ADAMTS13: variants seen among roughly 807,000 people sequenced by gnomAD.
ADAMTS13 encodes the protein A disintegrin and metalloproteinase with thrombospondin motifs 13.
Under a neutral mutation model 155.1 loss-of-function variants are expected in ADAMTS13, and 110 were observed. The ratio of observed to expected loss-of-function variants is 0.71; its 90% CI spans 0.61 to 0.83. The LOEUF (loss-of-function observed/expected upper bound fraction) is 0.83. Ranked by LOEUF, ADAMTS13 falls within the 40% of genes least tolerant of loss-of-function variation. The probability of loss-of-function intolerance (pLI) is 0.00; values close to 1 mark genes in which losing one functional copy is unlikely to be tolerated. For missense variants in ADAMTS13, 1,707 were observed against 1,891.7 expected, an observed-to-expected ratio of 0.90 and a Z score of 1.81; for synonymous variants, 758 against 756.4, an observed-to-expected ratio of 1.00 and a Z score of -0.03.
intron 18 of ADAMTS13, 103 bp from the exon 19 acceptor site, chr9:133,443,273 T>C: frequency 2.8e-6 from 4 of 1,425,634 alleles, no homozygotes; most frequent in South Asian, 1.2e-5. Context: ...GTAGTGCCCA[T>C]TGCTTGTCCC....
At position 133,428,673 on chromosome 9, in the gene ADAMTS13, C is replaced by T. The variant is rs1554785902; in HGVS notation, c.726C>T (p.Cys242=). Residue 242 remains cysteine, a synonymous_variant, in exon 7 of 29, where the codon TGC becomes TGT. Coordinates refer to ENST00000355699, the MANE Select transcript of ADAMTS13 (RefSeq NM_139027.6). ...ACGACGGCGCGCCCGGCAGCGGCTG[C>T]GGCCCCAGCGGACACGTGATGGCTT... ...LEHDGAPGSG[C]GPSGHVMASD... 4.4e-6 allele frequency: 6 copies of T among 1,357,816 alleles called. No homozygotes were observed. Among genetic ancestry groups the T allele is most frequent in the South Asian group, 3.4e-5 (2 of 59,208 alleles). The allele number at this position is 1,357,816 out of a possible 1,614,324, so 84.1% of individuals were successfully genotyped here.
At position 133,422,934 on chromosome 9, in the gene ADAMTS13, CTT is replaced by C. The variant is rs71281254; in HGVS notation, c.106-145_106-144del. On this transcript the variant is annotated intron_variant, in intron 1 of 28. Coordinates refer to ENST00000355699, the MANE Select transcript of ADAMTS13 (RefSeq NM_139027.6). ...TGTTCTTTTTTCTTTCTCTCTCTCT[CTT>C]TTTTTTTTTTTTTTTTTTTTTAAGA... Among the ~76,000 whole-genome samples the C allele has an allele frequency of 0.024, 2,235 of 93,126 alleles. 64 individuals are homozygous for C. Among genetic ancestry groups the C allele is most frequent in the South Asian group, 0.038 (87 of 2,264 alleles). The allele number at this position is 93,126 out of a possible 152,430, so 61.1% of individuals were successfully genotyped here.
In ADAMTS13 at chr9:133,455,310, T is replaced by A; in HGVS notation, c.3275T>A (p.Ile1092Asn). The A allele has an allele frequency of 6.2e-7, 1 of 1,604,482 alleles. No homozygotes were observed. Among genetic ancestry groups the A allele is most frequent in the Non-Finnish European group, 8.5e-7 (1 of 1,179,952 alleles). The change falls in exon 25 of 29, where the codon ATC (isoleucine) becomes AAC (asparagine). Residue 1092 changes from isoleucine to asparagine, a missense_variant. Ile to Asn is a moderately radical substitution (Grantham distance 149, BLOSUM62 -3). Around this residue, in one of 3 missense-constraint regions of ADAMTS13, gnomAD observed 961 missense variants for 1,107.9 expected, o/e 0.87. Transcript: ENST00000355699. ...TGCTCTGTTTCCTGTGGGGATGGCATCCAGCGCCGGCGTGACACCTGCCTC... is the reference window on the plus strand; with the variant it reads ...TGCTCTGTTTCCTGTGGGGATGGCAACCAGCGCCGGCGTGACACCTGCCTC... ...MECSVSCGDG[I>N]QRRRDTCLGP...
At chr9:133,436,778 A>AGGGGG in intron 11 of ADAMTS13, 51 bp from the exon 12 acceptor site, 1 of 433,948 alleles carries the variant, frequency 2.3e-6, no homozygotes, top group Non-Finnish European at 4.6e-6. Flanking sequence ...CAGTGACAAC[A>AGGGGG]CCCGCCCCCC....
At chr9:133,451,668 A>C (rs1256887462) in intron 23 of ADAMTS13, among the ~76,000 whole-genome samples, 1 of 152,128 alleles carries the variant, frequency 6.6e-6, no homozygotes, top group East Asian at 1.9e-4. Context: ...AGATGGGTGG[A>C]TCATTTGAGC....
chr9:133,420,107 T>G (rs1270202835), upstream of ADAMTS13, among the ~76,000 whole-genome samples: 1 of 152,232 alleles, frequency 6.6e-6, no homozygotes, highest in East Asian at 1.9e-4. Context: ...TTTCTCCATG[T>G]TGGCCAGGCT....
At position 133,426,062 on chromosome 9, in the gene ADAMTS13, G is replaced by A; in HGVS notation, c.539G>A (p.Arg180Lys). 3 of 1,613,982 alleles carry A rather than the reference G, an allele frequency of 1.9e-6. No individual in the cohort carries two copies. Among genetic ancestry groups the A allele is most frequent in the Non-Finnish European group, 2.5e-6 (3 of 1,180,030 alleles). ...GCTGACCTGGTCCTCTATATCACTAGGTAGCCGAGCTTTCTGATGGGTGCT... is the reference window on the plus strand; with the variant it reads ...GCTGACCTGGTCCTCTATATCACTAAGTAGCCGAGCTTTCTGATGGGTGCT... ...GHADLVLYITRFDLELPDGNR... is the reference protein window; with the variant it reads ...GHADLVLYITKFDLELPDGNR... Residue 180 changes from arginine (R) to lysine (K), a missense_variant and splice_region_variant, in exon 5 of 29, where the codon AGG becomes AAG. Physicochemically the swap from Arg to Lys is conservative, Grantham distance 26. This residue lies in a region of ADAMTS13 where 733 missense variants were observed against 749.6 expected (regional missense o/e 0.98). Coordinates refer to ENST00000355699, the MANE Select transcript of ADAMTS13 (RefSeq NM_139027.6).
At chr9:133,455,112 C>G (rs1192983004) in intron 24 of ADAMTS13, among the ~76,000 whole-genome samples, 173 bp from the exon 25 acceptor site, 2 of 152,144 alleles carry the variant, frequency 1.3e-5, no homozygotes, top group Non-Finnish European at 2.9e-5. Flanking sequence ...CCTATATGAC[C>G]CATGCAAGGT....
In ADAMTS13 at chr9:133,423,083, T is replaced by A; in HGVS notation, c.106-18T>A. On this transcript the variant is annotated intron_variant, in intron 1 of 28. Coordinates refer to ENST00000355699, the MANE Select transcript of ADAMTS13 (RefSeq NM_139027.6). ...GAGCCACTATGCCCGGCCCCATCCATCTCTTTTTGTCTTGCAGAGTTGTCT... is the reference window on the plus strand; with the variant it reads ...GAGCCACTATGCCCGGCCCCATCCAACTCTTTTTGTCTTGCAGAGTTGTCT... 10 of 1,613,008 alleles carry A rather than the reference T, an allele frequency of 6.2e-6. No homozygotes were observed. Among genetic ancestry groups the A allele is most frequent in the Non-Finnish European group, 8.5e-6 (10 of 1,179,336 alleles).
chr9:133,430,004 C>G lies in ADAMTS13; in HGVS notation c.890C>G (p.Pro297Arg). The G allele has an allele frequency of 1.9e-6, 3 of 1,572,710 alleles. No homozygotes were observed. Among genetic ancestry groups the G allele is most frequent in the Non-Finnish European group, 1.7e-6 (2 of 1,164,398 alleles). Reference sequence around the variant, plus strand: ...CAACCCGGGTCCGCGGGGCACCCGCCGGATGCGCAGCCTGGCCTCTACTAC... The same window carrying G: ...CAACCCGGGTCCGCGGGGCACCCGCGGGATGCGCAGCCTGGCCTCTACTAC... ...RPQPGSAGHPPDAQPGLYYSA... is the reference protein window; with the variant it reads ...RPQPGSAGHPRDAQPGLYYSA... Residue 297 changes from proline (P) to arginine (R), a missense_variant, in exon 8 of 29, where the codon CCG (proline) becomes CGG (arginine). Around this residue, in one of 3 missense-constraint regions of ADAMTS13, gnomAD observed 733 missense variants for 749.6 expected, o/e 0.98. Transcript: ENST00000355699.
intron 6 of ADAMTS13, among the ~76,000 whole-genome samples, chr9:133,428,313 C>T (rs1445888309): frequency 1.3e-5 from 2 of 152,254 alleles, no homozygotes; most frequent in African/African-American, 4.8e-5. Context: ...CCAGTCCCCA[C>T]CTCCCCACAG....
At chr9:133,419,584 A>G (rs587706293), upstream of ADAMTS13, among the ~76,000 whole-genome samples, 18 of 152,270 alleles carry the variant, frequency 1.2e-4, no homozygotes, top group African/African-American at 4.3e-4. Context: ...CAGTCAGTGC[A>G]GTGGGAGGAG....
chr9:133,455,523 A>C, intron 25 of ADAMTS13, 88 bp downstream of exon 25: 1 of 1,611,406 alleles, frequency 6.2e-7, no homozygotes, highest in South Asian at 1.1e-5. Context: ...GAGTGGTCCC[A>C]GGCCCGGGGC....
chr9:133,445,062 C>CT lies in ADAMTS13; in HGVS notation c.2610+11dup. 6.2e-7 allele frequency: 1 copy of CT among 1,611,560 alleles called. No homozygotes were observed. Among genetic ancestry groups the CT allele is most frequent in the Non-Finnish European group, 8.5e-7 (1 of 1,179,548 alleles). ...TCCAGGCTGGGGCCATGTGAGTGCC[C>CT]TGGGCATGAGGGTGGCTGGGGCTGT... On this transcript the variant is annotated intron_variant, in intron 20 of 28. Transcript: ENST00000355699. The surrounding 1 kb of genome is among the most constrained non-coding windows in gnomAD (Gnocchi z 5.0).
chr9:133,428,336 A>G (rs782585532), intron 6 of ADAMTS13, among the ~76,000 whole-genome samples: 5 of 152,136 alleles, frequency 3.3e-5, no homozygotes, highest in Admixed American at 6.5e-5. Context: ...TCCTAACACC[A>G]TGATTTAATG....
chr9:133,448,053 C>G (rs1842188666), intron 21 of ADAMTS13, among the ~76,000 whole-genome samples: 1 of 150,182 alleles, frequency 6.7e-6, no homozygotes, highest in African/African-American at 2.5e-5. Context: ...TCCAGTGGCG[C>G]AGTCTTGGCT....
intron 11 of ADAMTS13, among the ~76,000 whole-genome samples, chr9:133,436,096 C>T (rs622620): frequency 0.031 from 4,597 of 150,510 alleles, 197 homozygotes; most frequent in African/African-American, 0.11. Context: ...GGATTACACG[C>T]GTGAGCCATG....
chr9:133,429,756 G>A (rs369385440), intron 7 of ADAMTS13, 183 bp from the exon 8 acceptor site: 1 of 829,526 alleles, frequency 1.2e-6, no homozygotes, highest in Non-Finnish European at 2.0e-6. Context: ...GCCGGCAGGA[G>A]CCTTAGTCTT....
At position 133,432,688 on chromosome 9, in the gene ADAMTS13, A is replaced by G; in HGVS notation, c.1088A>G (p.Glu363Gly). Residue 363 changes from glutamate (E) to glycine (G), a missense_variant, in exon 9 of 29, where the codon GAG becomes GGG. Physicochemically the swap from Glu to Gly is moderately conservative, Grantham distance 98. Around this residue, in one of 3 missense-constraint regions of ADAMTS13, gnomAD observed 733 missense variants for 749.6 expected, o/e 0.98. Coordinates refer to ENST00000355699, the MANE Select transcript of ADAMTS13 (RefSeq NM_139027.6). ...PLLDGTECGV[E>G]KWCSKGRCRS... ...CTGGATGGGACAGAATGTGGCGTGG[A>G]GAAGGTCAGAGCCAAGAGTGAATGA... 6.4e-7 allele frequency: 1 copy of G among 1,555,382 alleles called. No individual in the cohort carries two copies. Among genetic ancestry groups the G allele is most frequent in the Non-Finnish European group, 8.7e-7 (1 of 1,149,454 alleles).
Sources: allele counts gnomAD v4.1 joint callset (sites outside exome capture counted in the v4.1 genomes callset), GRCh38; gene constraint gnomAD v4.1.1; regional missense constraint gnomAD v4.1.1; non-coding constraint Gnocchi (gnomAD v3.1); transcripts MANE v1.5; gene names NCBI Gene and HGNC (gene_info 2026-07-23, HGNC 2026-07-21).